The following SOD2 variants were observed in gnomAD, a reference collection of about 807,000 sequenced individuals.
SOD2 encodes the protein superoxide dismutase [Mn], mitochondrial.
A neutral mutation model predicts 27.0 loss-of-function variants in SOD2; 11 were observed. The observed-to-expected ratio is 0.41, with a 90% CI of 0.26 to 0.67. SOD2 has a LOEUF of 0.67. Ranked by LOEUF, SOD2 falls within the 30% of genes least tolerant of loss-of-function variation. SOD2 has a pLI of 0.34. For synonymous variants in SOD2, 105 were observed against 103.0 expected (o/e 1.02, Z -0.12); for missense variants, 250 against 274.5 (o/e 0.91, Z 0.63).
intron 2 of SOD2, chr6:159,690,784 C>T (rs955766514): frequency 1.3e-5 from 2 of 152,094 alleles, no homozygotes; most frequent in African/African-American, 4.8e-5. Context: ...TAACATCTTA[C>T]AGTTTGCTTA....
rs1381075839 is a variant in SOD2, at chr6:159,670,373, T to A, written c.*12120A>T. 4 of 152,174 alleles carry A rather than the reference T, an allele frequency of 2.6e-5. No individual in the cohort carries two copies. Among genetic ancestry groups the A allele is most frequent in the African/African-American group, 7.2e-5 (3 of 41,416 alleles). The allele number at this position is 152,174 out of a possible 1,614,324, so 9.4% of individuals were successfully genotyped here. On this transcript the variant is annotated 3_prime_UTR_variant, in exon 5 of 5. Transcript: ENST00000538183. Reference sequence around the variant, plus strand: ...TTCTGGTAAAAATGCTAACAGTAACTAGGAGCTAAAAGATTCATTTGTTTT... The same window carrying A: ...TTCTGGTAAAAATGCTAACAGTAACAAGGAGCTAAAAGATTCATTTGTTTT...
rs114108660 is a variant in SOD2 at position 159,734,588 on chromosome 6, A to G, written c.-116+10542T>C. Among the ~76,000 whole-genome samples the G allele has an allele frequency of 3.9e-3, 597 of 152,322 alleles. 4 individuals carry two copies. The highest frequency in any genetic ancestry group is 0.014 in the African/African-American group (565 of 41,558). On this transcript the variant is annotated intron_variant, in intron 1 of 3. Transcript: ENST00000537657. ...CTACTTGGGAGGCTGAGATGAGAGT[A>G]TGACTTGAGCCCAAGAGTTCAAGAC...
chr6:159,737,918 ATAAT>A (rs538204135), intron 1 of SOD2, among the ~76,000 whole-genome samples: 32 of 152,340 alleles, frequency 2.1e-4, no homozygotes, highest in Middle Eastern at 3.4e-3. Context: ...TTGTTTTGAA[ATAAT>A]TATAGATTCA....
intron 1 of SOD2, among the ~76,000 whole-genome samples, chr6:159,712,528 C>CCTCCATAACCACCACTCACAT (rs1777836117): frequency 2.9e-5 from 3 of 104,312 alleles, no homozygotes; most frequent in Non-Finnish European, 6.2e-5. Flanking sequence ...ACCACTCACA[C>CCTCCATAACCACCACTCACAT]TGCTCTGATC....
At position 159,677,190 on chromosome 6, in the gene SOD2, G is replaced by A. The variant is rs4342445; in HGVS notation, c.*5303C>T. On this transcript the variant is annotated 3_prime_UTR_variant, in exon 5 of 5. Transcript: ENST00000538183. ...GAGGCAAACTTGGAATCACCGTGAC[G>A]CTGGGCATCGAGACTACTGGGTGCA... The A allele has an allele frequency of 0.22, 33,822 of 152,138 alleles. 4,006 individuals carry two copies. The highest frequency in any genetic ancestry group is 0.4 in the East Asian group (2,078 of 5,174). The allele number at this position is 152,138 out of a possible 1,614,324, so 9.4% of individuals were successfully genotyped here.
chr6:159,750,642 CTT>C (rs965139168), intron 1 of SOD2, among the ~76,000 whole-genome samples: 1 of 152,030 alleles, frequency 6.6e-6, no homozygotes, highest in Non-Finnish European at 1.5e-5. Context: ...TACTTGGTCT[CTT>C]TGGCATTTTT....
chr6:159,761,926 C>G (rs1343236009), exon 1 of SOD2: 2 of 824,854 alleles, frequency 2.4e-6, no homozygotes, highest in Non-Finnish European at 3.8e-6. Context: ...TCCGGCCTTG[C>G]GCCTGCGCAC....
intron 1 of SOD2, chr6:159,753,497 C>A: frequency 6.2e-7 from 1 of 1,614,178 alleles, no homozygotes; most frequent in Non-Finnish European, 8.5e-7. Context: ...GTGTCGAATG[C>A]TTATCCAGGA....
intron 1 of SOD2, among the ~76,000 whole-genome samples, chr6:159,740,820 G>C (rs1309261937): frequency 6.6e-6 from 1 of 151,344 alleles, no homozygotes; most frequent in Non-Finnish European, 1.5e-5. Context: ...TCCTGCCTCA[G>C]CCTCCCAAGT....
chr6:159,702,458 A>C (rs1007886739), intron 1 of SOD2, among the ~76,000 whole-genome samples: 2 of 151,556 alleles, frequency 1.3e-5, no homozygotes, highest in East Asian at 1.9e-4. Flanking sequence ...TGCCACACCC[A>C]GCTAATTTTT....
chr6:159,759,918 A>C (rs1314268189), intron 1 of SOD2, among the ~76,000 whole-genome samples: 3 of 152,228 alleles, frequency 2.0e-5, no homozygotes, highest in African/African-American at 7.2e-5. Context: ...ACTCATTCAA[A>C]TGTGCTAGGC....
At chr6:159,707,618 ATAAT>A (rs1418632434) in intron 1 of SOD2, among the ~76,000 whole-genome samples, 23 of 152,340 alleles carry the variant, frequency 1.5e-4, no homozygotes, top group African/African-American at 5.3e-4. Flanking sequence ...AATTGAGGCA[ATAAT>A]TAATAGCTTA....
At chr6:159,735,201 C>T (rs185182125) in intron 1 of SOD2, among the ~76,000 whole-genome samples, 5 of 152,290 alleles carry the variant, frequency 3.3e-5, no homozygotes, top group East Asian at 3.9e-4. Context: ...TGCAGTGGCG[C>T]GCCATCTCGG....
At chr6:159,755,900 T>A (rs1433179045) in intron 1 of SOD2, 4 of 333,648 alleles carry the variant, frequency 1.2e-5, no homozygotes, top group Non-Finnish European at 2.0e-5. Flanking sequence ...TAATGTGAAA[T>A]TGTAAATGGA....
upstream of SOD2, among the ~76,000 whole-genome samples, chr6:159,728,800 T>C (rs1778387494): frequency 6.6e-6 from 1 of 152,218 alleles, no homozygotes; most frequent in South Asian, 2.1e-4. Context: ...TTTGGGTAGG[T>C]GTGTTTCTTA....
At chr6:159,735,303 T>C (rs1016190322) in intron 1 of SOD2, among the ~76,000 whole-genome samples, 1 of 152,170 alleles carries the variant, frequency 6.6e-6, no homozygotes, top group African/African-American at 2.4e-5. Flanking sequence ...TACGCCGGGC[T>C]AATTTTTTTA....
intron 1 of SOD2, among the ~76,000 whole-genome samples, chr6:159,739,432 T>C (rs144123623): frequency 1.8e-4 from 27 of 152,342 alleles, no homozygotes; most frequent in African/African-American, 6.3e-4. Context: ...CTTCATACTC[T>C]TCATTTTCTC....
intron 1 of SOD2, among the ~76,000 whole-genome samples, chr6:159,712,347 T>C (rs570315123): frequency 2.9e-3 from 314 of 108,812 alleles, no homozygotes; most frequent in Middle Eastern, 7.0e-3. Context: ...ACCACCTCCA[T>C]AACCACCACT....
chr6:159,715,567 T>C (rs948066159), intron 1 of SOD2, among the ~76,000 whole-genome samples: 3 of 152,104 alleles, frequency 2.0e-5, no homozygotes, highest in African/African-American at 7.2e-5. Flanking sequence ...TAAACACTAT[T>C]AGCAAGCAAC....
Sources: gnomAD v4.1 joint callset for allele counts (sites outside exome capture counted in the v4.1 genomes callset) on GRCh38, gnomAD v4.1.1 for gene constraint, MANE v1.5 for transcripts, NCBI Gene and HGNC (gene_info 2026-07-23, HGNC 2026-07-21) for gene names.